TRIM55: variants seen among roughly 807,000 people sequenced by gnomAD.
The protein encoded by TRIM55 is tripartite motif-containing protein 55.
TRIM55 carries 50 observed loss-of-function variants against 60.9 expected under a neutral mutation model. The observed-to-expected ratio is 0.82, with a 90% CI of 0.65 to 1.04. The LOEUF is 1.04. TRIM55 is among the 50% of genes least tolerant of loss of function. The pLI is 0.00. For missense variants in TRIM55, 681 were observed against 666.9 expected, an observed-to-expected ratio of 1.02 and a Z score of -0.23; for synonymous variants, 237 against 238.1, an observed-to-expected ratio of 1.00 and a Z score of 0.04.
intron 4 of TRIM55, among the ~76,000 whole-genome samples, chr8:66,142,183 T>G (rs1387646470): frequency 6.6e-6 from 1 of 152,240 alleles, no homozygotes; most frequent in East Asian, 1.9e-4. Context: ...CAGAGTCATC[T>G]TGGAAAGCAC....
At chr8:66,144,838 G>A (rs1332543577) in intron 4 of TRIM55, among the ~76,000 whole-genome samples, 4 of 152,178 alleles carry the variant, frequency 2.6e-5, no homozygotes, top group Admixed American at 2.6e-4. Context: ...GCTTTTGTAG[G>A]TAACAACAGT....
At chr8:66,119,673 A>T in the TRIM55 span, among the ~76,000 whole-genome samples, 2 of 152,226 alleles carry the variant, frequency 1.3e-5, no homozygotes, top group Non-Finnish European at 2.9e-5. Context: ...CTCTAGCCAG[A>T]GAGTACAAAA....
intron 1 of TRIM55, 139 bp downstream of exon 1, chr8:66,127,575 C>T: frequency 3.1e-6 from 3 of 976,650 alleles, no homozygotes; most frequent in Middle Eastern, 3.3e-4. Flanking sequence ...GCCTGTAGTC[C>T]CAGCACTTTG....
chr8:66,133,502 T>C (rs1244768194), intron 2 of TRIM55, among the ~76,000 whole-genome samples: 1 of 151,798 alleles, frequency 6.6e-6, no homozygotes, highest in Non-Finnish European at 1.5e-5. Context: ...AATTGTGGAG[T>C]TGACTTCCTT....
chr8:66,159,956 A>G lies in TRIM55; in HGVS notation c.1524+5622A>G, dbSNP rs190863619. ...TCCTTATCAGATAGATGTTTTGCAA[A>G]TAATTTCTCCCAGTCTGTGGCTTTC... is the stretch of plus-strand genomic sequence containing the variant. On this transcript the variant is annotated intron_variant, in intron 9 of 9. Transcript: ENST00000315962. 2.4e-3 allele frequency among the ~76,000 whole-genome samples: 363 copies of G among 152,278 alleles called. 2 individuals carry two copies. Among genetic ancestry groups the G allele is most frequent in the Admixed American group, 5.6e-3 (85 of 15,298 alleles).
chr8:66,123,772 T>G (rs1808719064), upstream of TRIM55, among the ~76,000 whole-genome samples: 1 of 152,196 alleles, frequency 6.6e-6, no homozygotes, highest in Non-Finnish European at 1.5e-5. Flanking sequence ...GTGGGGGGAT[T>G]GCTTGAGCCC....
intron 9 of TRIM55, among the ~76,000 whole-genome samples, chr8:66,155,955 G>T (rs1810715569): frequency 6.6e-6 from 1 of 152,320 alleles, no homozygotes; most frequent in Non-Finnish European, 1.5e-5. Flanking sequence ...ACTGAGAACA[G>T]TAACTCCATG....
intron 2 of TRIM55, 31 bp downstream of exon 2, chr8:66,128,507 G>A (rs1193631615): frequency 5.0e-6 from 8 of 1,597,338 alleles, no homozygotes; most frequent in Middle Eastern, 1.7e-4. Context: ...CATGTGTCAA[G>A]CCCATCTGAA....
intron 2 of TRIM55, among the ~76,000 whole-genome samples, chr8:66,128,698 G>A (rs1034260996): frequency 1.3e-5 from 2 of 152,112 alleles, no homozygotes; most frequent in African/African-American, 4.8e-5. Flanking sequence ...AGAATGAAGT[G>A]ACTCATTAAC....
intron 2 of TRIM55, among the ~76,000 whole-genome samples, chr8:66,133,267 A>T (rs1809273471): frequency 6.6e-6 from 1 of 152,162 alleles, no homozygotes; most frequent in Admixed American, 6.5e-5. Context: ...GTGGTGTTAC[A>T]CTAGAGCACA....
chr8:66,149,879 G>A lies in TRIM55; in HGVS notation c.837+1G>A, dbSNP rs1181145585. On this transcript the variant is annotated splice_donor_variant, in intron 5 of 9. Transcript: ENST00000315962. LOFTEE classifies it high-confidence loss of function. ...GCCAGAAATGGCAGTGTTTCTGCAG[G>A]TAAGTCTCTTTTTGGCACCAAAGTA... 6.2e-7 allele frequency: 1 copy of A among 1,610,562 alleles called. No homozygotes were observed. The highest frequency in any genetic ancestry group is 1.3e-5 in the African/African-American group (1 of 75,002).
At chr8:66,156,616 C>T (rs1324932120) in intron 9 of TRIM55, among the ~76,000 whole-genome samples, 1 of 152,132 alleles carries the variant, frequency 6.6e-6, no homozygotes, top group Non-Finnish European at 1.5e-5. Flanking sequence ...TGAGACCCAA[C>T]TCCTTGTTCC....
At chr8:66,125,767 T>G (rs2128971325), upstream of TRIM55, among the ~76,000 whole-genome samples, 2 of 152,318 alleles carry the variant, frequency 1.3e-5, no homozygotes, top group South Asian at 4.1e-4. Context: ...TAGAGCTTAC[T>G]AGATTCTCAA....
At chr8:66,123,335 C>T (rs1326058840), upstream of TRIM55, among the ~76,000 whole-genome samples, 2 of 152,176 alleles carry the variant, frequency 1.3e-5, no homozygotes, top group Non-Finnish European at 2.9e-5. Context: ...AGCCTGACCA[C>T]CTTGGGCACC....
intron 4 of TRIM55, among the ~76,000 whole-genome samples, chr8:66,146,295 A>G (rs748344125): frequency 1.1e-4 from 16 of 151,478 alleles, no homozygotes; most frequent in African/African-American, 3.2e-4. Context: ...TTAAAAAAAC[A>G]GAATAGAAAT....
upstream of TRIM55, among the ~76,000 whole-genome samples, chr8:66,126,519 T>G (rs1345520695): frequency 6.6e-6 from 1 of 152,218 alleles, no homozygotes; most frequent in Non-Finnish European, 1.5e-5. Flanking sequence ...GAATTTTTAT[T>G]TATGCATGTA....
chr8:66,147,676 TCCCAG>T (rs1039064090), intron 4 of TRIM55, among the ~76,000 whole-genome samples: 11 of 150,990 alleles, frequency 7.3e-5, no homozygotes, highest in Admixed American at 2.7e-4. Context: ...GTGCCTGTAA[TCCCAG>T]CTACTCAGGA....
intron 4 of TRIM55, among the ~76,000 whole-genome samples, chr8:66,138,237 T>C (rs1809597884): frequency 6.6e-6 from 1 of 152,222 alleles, no homozygotes; most frequent in African/African-American, 2.4e-5. Flanking sequence ...CTCCTCCCCA[T>C]AGATTGCCAC....
At chr8:66,167,355 C>T (rs1811383558) in intron 9 of TRIM55, among the ~76,000 whole-genome samples, 1 of 152,208 alleles carries the variant, frequency 6.6e-6, no homozygotes, top group Non-Finnish European at 1.5e-5. Context: ...TAATTCTTCA[C>T]AATCCAGTTC....
Sources: gnomAD v4.1 joint callset for allele counts (sites outside exome capture counted in the v4.1 genomes callset) on GRCh38, gnomAD v4.1.1 for gene constraint, MANE v1.5 for transcripts, NCBI Gene and HGNC (gene_info 2026-07-23, HGNC 2026-07-21) for gene names.